The following ADCY10 variants were observed in gnomAD, a reference collection of about 807,000 sequenced individuals.
ADCY10 encodes the protein adenylate cyclase 10.
In ADCY10, 156 loss-of-function variants were observed where a neutral mutation model predicts 183.3. That is an observed-to-expected ratio of 0.85 (90% confidence interval 0.75 to 0.97). ADCY10 has a LOEUF of 0.97. Ranked by LOEUF, ADCY10 falls within the 50% of genes least tolerant of loss-of-function variation. The pLI is 0.00. For synonymous variants in ADCY10, 645 were observed against 670.0 expected, an observed-to-expected ratio of 0.96 and a Z score of 0.58; for missense variants, 1,745 against 1,934.3, an observed-to-expected ratio of 0.90 and a Z score of 1.84.
At chr1:167,822,724 G>A (rs1317287721) in intron 29 of ADCY10, among the ~76,000 whole-genome samples, 2 of 152,188 alleles carry the variant, frequency 1.3e-5, no homozygotes, top group African/African-American at 2.4e-5. Flanking sequence ...TAGTAAGACA[G>A]TCAGCCACTA....
At position 167,809,491 on chromosome 1, in the gene ADCY10, AG is replaced by A. The variant is rs1216271515; in HGVS notation, c.*186del. On this transcript the variant is annotated 3_prime_UTR_variant, in exon 33 of 33. Transcript: ENST00000367851. ...AAAGCAATTTTTTGTAACATTAGGA[AG>A]AAGTAAACCATGACACTCCTGACCC... 6 of 649,032 alleles carry A rather than the reference AG, an allele frequency of 9.2e-6. No homozygotes were observed. The African/African-American group carries it at 1.1e-4, about 12-fold the overall frequency. 40.2% of individuals were successfully genotyped at this position (649,032 alleles called of 1,614,324 possible).
chr1:167,900,829 G>C (rs577316498), intron 5 of ADCY10, among the ~76,000 whole-genome samples: 1 of 152,200 alleles, frequency 6.6e-6, no homozygotes, highest in Non-Finnish European at 1.5e-5. Context: ...ACTGCACCTG[G>C]CCTTATTTGG....
chr1:167,843,553 C>G (rs929091078), intron 21 of ADCY10, among the ~76,000 whole-genome samples: 2 of 151,994 alleles, frequency 1.3e-5, no homozygotes, highest in African/African-American at 2.4e-5. Context: ...CAGTCTGTCC[C>G]CCTTATCCCT....
At chr1:167,890,403 C>T (rs544425703) in intron 8 of ADCY10, among the ~76,000 whole-genome samples, 1 of 152,274 alleles carries the variant, frequency 6.6e-6, no homozygotes, top group South Asian at 2.1e-4. Flanking sequence ...TTCTCCCAAA[C>T]AAATGGAGTC....
At chr1:167,851,294 C>T (rs1316708415) in intron 18 of ADCY10, among the ~76,000 whole-genome samples, 4 of 152,180 alleles carry the variant, frequency 2.6e-5, no homozygotes, top group Admixed American at 2.0e-4. Context: ...TCAAGCAATC[C>T]TCCCACCTCA....
In ADCY10 at chr1:167,878,717, A is replaced by G. The variant is rs203840; in HGVS notation, c.1217-82T>C. 0.025 allele frequency: 35,617 copies of G among 1,417,372 alleles called. 5,276 individuals are homozygous for G. The African/African-American group carries it at 0.38, about 15-fold the overall frequency. 87.8% of individuals were successfully genotyped at this position (1,417,372 alleles called of 1,614,324 possible). A position where few individuals can be genotyped will look rare whatever the true frequency, so the allele number is the denominator to read the frequency against. ...GTAATCTGAAACATTGTCCCCAAAT[A>G]GCATTTTTACCCTTTACTCCCTTTG... On this transcript the variant is annotated intron_variant, in intron 11 of 32. Transcript: ENST00000367851.
chr1:167,817,193 C>T (rs1302880942), intron 31 of ADCY10, among the ~76,000 whole-genome samples: 1 of 152,098 alleles, frequency 6.6e-6, no homozygotes, highest in Non-Finnish European at 1.5e-5. Flanking sequence ...GTGAAATCCC[C>T]ATCTCTACTA....
intron 9 of ADCY10, among the ~76,000 whole-genome samples, chr1:167,882,347 T>C (rs1667918761): frequency 6.6e-6 from 1 of 151,458 alleles, no homozygotes; most frequent in Non-Finnish European, 1.5e-5. Flanking sequence ...TAGCCAGGTG[T>C]GGTGGCGCAT....
intron 32 of ADCY10, 38 bp from the exon 33 acceptor site, chr1:167,809,877 CTTCTTGACT>C (rs749901146): frequency 1.2e-5 from 19 of 1,602,942 alleles, no homozygotes; most frequent in Non-Finnish European, 1.3e-5. Flanking sequence ...ATCATTAGTG[CTTCTTGACT>C]TTTGTAATCA....
chr1:167,856,383 C>G lies in ADCY10; in HGVS notation c.1953G>C (p.Ser651=), dbSNP rs1455520726. The G allele has an allele frequency of 6.2e-7, 1 of 1,614,062 alleles. No homozygotes were observed. Among genetic ancestry groups the G allele is most frequent in the Non-Finnish European group, 8.5e-7 (1 of 1,179,996 alleles). The change falls in exon 17 of 33, where the codon TCG becomes TCC. Residue 651 remains serine, a synonymous_variant. Transcript: ENST00000367851. Reference sequence around the variant, plus strand: ...GCTTCTCCATAAATCTCCAGGAGGTCGAATCCACAAACTGGGCCTCATCAA... The same window carrying G: ...GCTTCTCCATAAATCTCCAGGAGGTGGAATCCACAAACTGGGCCTCATCAA... ...FIIDEAQFVD[S]TSWRFMEKLI...
intron 18 of ADCY10, among the ~76,000 whole-genome samples, chr1:167,851,331 C>T (rs573608260): frequency 6.6e-5 from 10 of 152,054 alleles, no homozygotes; most frequent in African/African-American, 1.9e-4. Flanking sequence ...GGACTACAGG[C>T]GTGCGACACC....
rs1571191374 is a variant in ADCY10, at chr1:167,809,501, C to A, written c.*177G>T. 2.9e-6 allele frequency: 2 copies of A among 686,778 alleles called. No individual in the cohort carries two copies. Among genetic ancestry groups the A allele is most frequent in the South Asian group, 1.9e-5 (1 of 52,820 alleles). 42.5% of individuals were successfully genotyped at this position (686,778 alleles called of 1,614,324 possible). A position where few individuals can be genotyped will look rare whatever the true frequency, so the allele number is the denominator to read the frequency against. ...TTTGTAACATTAGGAAGAAGTAAAC[C>A]ATGACACTCCTGACCCTTGTAGGCC... On this transcript the variant is annotated 3_prime_UTR_variant, in exon 33 of 33. Coordinates refer to ENST00000367851, the MANE Select transcript of ADCY10 (RefSeq NM_018417.6).
At chr1:167,902,762 T>C (rs1669526946) in intron 3 of ADCY10, among the ~76,000 whole-genome samples, 1 of 152,212 alleles carries the variant, frequency 6.6e-6, no homozygotes, top group African/African-American at 2.4e-5. Context: ...GTTGTCTTCA[T>C]GAATAGTTTG....
At chr1:167,833,383 T>C (rs1453567436) in intron 24 of ADCY10, among the ~76,000 whole-genome samples, 2 of 152,210 alleles carry the variant, frequency 1.3e-5, no homozygotes, top group East Asian at 1.9e-4. Context: ...TTGTGCATTG[T>C]CTACCTCTGA....
chr1:167,820,397 C>CGA (rs1662827026), intron 30 of ADCY10: 2 of 537,744 alleles, frequency 3.7e-6, no homozygotes, highest in Admixed American at 3.8e-5. Context: ...CTCAGCACCC[C>CGA]GAGAGCTGGC....
chr1:167,883,332 C>T, intron 9 of ADCY10, 105 bp downstream of exon 9: 1 of 1,342,654 alleles, frequency 7.4e-7, no homozygotes, highest in Non-Finnish European at 1.1e-6. Flanking sequence ...GCCACCACGC[C>T]CAGCCTCTAG....
At chr1:167,826,747 G>C (rs1663321510) in intron 26 of ADCY10, among the ~76,000 whole-genome samples, 1 of 152,188 alleles carries the variant, frequency 6.6e-6, no homozygotes, top group Non-Finnish European at 1.5e-5. Context: ...CAATGCAGGA[G>C]CAAACAAGAA....
Position 167,809,812 on chromosome 1 carries a change from T to G in ADCY10, c.4699A>C (p.Lys1567Gln). Residue 1567 changes from lysine (K) to glutamine (Q), a missense_variant, in exon 33 of 33, where the codon AAA becomes CAA. Transcript: ENST00000367851. The stretch of plus-strand genomic sequence containing the variant: ...ATCGTCTGAAGCCATTGGTCTTCTT[T>G]TAACTCAGAGGTTGAGTACCATGAT... The part of the protein sequence containing the change: ...KESWYSTSEL[K>Q]EDQWLQTILS... The G allele has an allele frequency of 6.2e-7, 1 of 1,614,198 alleles. No individual in the cohort carries two copies. Among genetic ancestry groups the G allele is most frequent in the Non-Finnish European group, 8.5e-7 (1 of 1,180,010 alleles).
rs537991501 is a variant in ADCY10 at position 167,871,985 on chromosome 1, C to T, written c.1463-1575G>A. Among the ~76,000 whole-genome samples the T allele has an allele frequency of 2.6e-5, 4 of 152,132 alleles. No homozygotes were observed. The South Asian group carries it at 8.3e-4, about 32-fold the overall frequency. On this transcript the variant is annotated intron_variant, in intron 13 of 32. Coordinates refer to ENST00000367851, the MANE Select transcript of ADCY10 (RefSeq NM_018417.6). The stretch of plus-strand genomic sequence containing the variant: ...TGTATACATATGTAACAAACCTGCA[C>T]GTTGTGCATTGTGTACCCTAGAACT...
Sources: allele counts gnomAD v4.1 joint callset (sites outside exome capture counted in the v4.1 genomes callset), GRCh38; gene constraint gnomAD v4.1.1; transcripts MANE v1.5; gene names NCBI Gene and HGNC (gene_info 2026-07-23, HGNC 2026-07-21).